Variants in NDST4 observed in about 807,000 individuals in gnomAD.
NDST4 encodes the protein N-heparan sulfate sulfotransferase 4.
Under a neutral mutation model 100.8 loss-of-function variants are expected in NDST4, and 63 were observed. The observed-to-expected ratio is 0.62, with a 90% CI of 0.51 to 0.77. The LOEUF is 0.77. Among genes scored for constraint, NDST4 ranks in the 30% least tolerant of loss-of-function variants. NDST4 has a pLI of 0.00. For missense variants in NDST4, 943 were observed against 1,018.4 expected (o/e 0.93, Z 1.01); for synonymous variants, 377 against 361.8 (o/e 1.04, Z -0.48).
At chr4:114,988,335 C>T (rs1000238465) in intron 2 of NDST4, among the ~76,000 whole-genome samples, 23 of 141,088 alleles carry the variant, frequency 1.6e-4, no homozygotes, top group Non-Finnish European at 2.4e-4. Flanking sequence ...ATTTTGTAAG[C>T]ACACAGATAC....
chr4:115,020,830 A>G (rs1462114480), intron 2 of NDST4, among the ~76,000 whole-genome samples: 1 of 152,134 alleles, frequency 6.6e-6, no homozygotes, highest in African/African-American at 2.4e-5. Flanking sequence ...TCCACTAATG[A>G]TCAGGGAAAT....
chr4:114,836,013 G>A (rs894923626), intron 11 of NDST4, among the ~76,000 whole-genome samples: 4 of 151,982 alleles, frequency 2.6e-5, no homozygotes, highest in Non-Finnish European at 4.4e-5. Flanking sequence ...GTCTTCGCAC[G>A]TGAGATGGGT....
At chr4:114,976,916 A>C (rs958369086) in intron 3 of NDST4, among the ~76,000 whole-genome samples, 2 of 152,022 alleles carry the variant, frequency 1.3e-5, no homozygotes, top group African/African-American at 2.4e-5. Flanking sequence ...CTGAGAAACA[A>C]GATGCACAGT....
chr4:114,915,129 T>C (rs1230344484), intron 6 of NDST4, among the ~76,000 whole-genome samples: 1 of 152,126 alleles, frequency 6.6e-6, no homozygotes, highest in African/African-American at 2.4e-5. Flanking sequence ...GATAAGAAGA[T>C]TCCTGAATTC....
chr4:114,833,383 A>T (rs1723242726), intron 12 of NDST4, among the ~76,000 whole-genome samples: 1 of 152,100 alleles, frequency 6.6e-6, no homozygotes, highest in Admixed American at 6.5e-5. Flanking sequence ...ACTCACAAAA[A>T]GAAGAATTTG....
At chr4:115,064,948 C>A (rs1445861589) in intron 2 of NDST4, among the ~76,000 whole-genome samples, 3 of 152,018 alleles carry the variant, frequency 2.0e-5, no homozygotes, top group Middle Eastern at 3.2e-3. Flanking sequence ...AATCATTAGA[C>A]CTTAACCCAT....
At chr4:115,010,427 A>G (rs1727517378) in intron 2 of NDST4, among the ~76,000 whole-genome samples, 1 of 128,590 alleles carries the variant, frequency 7.8e-6, no homozygotes, top group Non-Finnish European at 1.7e-5. Context: ...TCAGTAAGCT[A>G]TCGCAAGAAC....
chr4:115,023,585 A>T (rs1187008916), intron 2 of NDST4, among the ~76,000 whole-genome samples: 1 of 152,070 alleles, frequency 6.6e-6, no homozygotes, highest in African/African-American at 2.4e-5. Context: ...ATACAGTAAG[A>T]TGCAAGAGAG....
At position 114,929,096 on chromosome 4, in the gene NDST4, CCA is replaced by C. The variant is rs1560817016; in HGVS notation, c.1536+6108_1536+6109del. ...TCCGTCCATCCATCCATCCATCCAT[CCA>C]TCCATCCATCCATCCATCTATCTAT... On this transcript the variant is annotated intron_variant, in intron 6 of 13. Transcript: ENST00000264363. 3.6e-3 allele frequency among the ~76,000 whole-genome samples: 472 copies of C among 130,074 alleles called. 3 individuals are homozygous for C. The highest frequency in any genetic ancestry group is 0.013 in the African/African-American group (461 of 36,234). 85.3% of individuals were successfully genotyped at this position (130,074 alleles called of 152,430 possible).
At chr4:114,976,470 GA>G (rs138693200) in intron 3 of NDST4, among the ~76,000 whole-genome samples, 48,160 of 151,824 alleles carry the variant, frequency 0.32, 7,702 homozygotes, top group South Asian at 0.47. Flanking sequence ...CTAATATTCA[GA>G]AAATAAAAAG....
At chr4:114,832,885 G>C (rs985067761) in intron 12 of NDST4, among the ~76,000 whole-genome samples, 9 of 152,140 alleles carry the variant, frequency 5.9e-5, no homozygotes, top group African/African-American at 2.2e-4. Context: ...ACTGATCTCA[G>C]CCTTTGAGCC....
chr4:114,920,836 T>C (rs545320378), intron 6 of NDST4, among the ~76,000 whole-genome samples: 2 of 152,300 alleles, frequency 1.3e-5, no homozygotes, highest in South Asian at 4.1e-4. Context: ...GAGTATCCTA[T>C]CCACTAGTGA....
intron 4 of NDST4, among the ~76,000 whole-genome samples, chr4:114,969,178 G>C (rs1212981714): frequency 1.3e-5 from 2 of 151,304 alleles, no homozygotes; most frequent in Non-Finnish European, 3.0e-5. Context: ...GCCGGGCGTA[G>C]TGGCGGGCGC....
intron 7 of NDST4, among the ~76,000 whole-genome samples, chr4:114,865,051 T>C (rs1475256474): frequency 1.3e-5 from 2 of 151,380 alleles, no homozygotes; most frequent in Non-Finnish European, 2.9e-5. Context: ...ATTTACTTTG[T>C]AGCGCTATCA....
intron 2 of NDST4, among the ~76,000 whole-genome samples, chr4:115,070,290 T>C (rs116424090): frequency 0.011 from 1,707 of 152,284 alleles, 16 homozygotes; most frequent in Middle Eastern, 0.065. Flanking sequence ...GAGGCCATTA[T>C]CCTTAGCAAA....
chr4:114,933,532 A>ACAG (rs1329107083), intron 6 of NDST4, among the ~76,000 whole-genome samples: 1 of 145,910 alleles, frequency 6.9e-6, no homozygotes, highest in Non-Finnish European at 1.5e-5. Context: ...AAGCTTTTGC[A>ACAG]CAGCAACGGA....
intron 1 of NDST4, among the ~76,000 whole-genome samples, chr4:115,100,709 G>A (rs1729712999): frequency 1.3e-5 from 2 of 151,790 alleles, no homozygotes; most frequent in Non-Finnish European, 2.9e-5. Context: ...TAAAATACCT[G>A]TTTCTCTACT....
At chr4:115,023,558 A>G (rs1390523759) in intron 2 of NDST4, among the ~76,000 whole-genome samples, 1 of 152,088 alleles carries the variant, frequency 6.6e-6, no homozygotes, top group African/African-American at 2.4e-5. Flanking sequence ...ATGGAAATAA[A>G]AAAATTAATA....
At chr4:114,965,684 T>C (rs1217370434) in intron 4 of NDST4, among the ~76,000 whole-genome samples, 1 of 152,052 alleles carries the variant, frequency 6.6e-6, no homozygotes, top group Non-Finnish European at 1.5e-5. Context: ...CTGCAACTAT[T>C]AGTGAACTGA....
Sources: gnomAD v4.1 joint callset for allele counts (sites outside exome capture counted in the v4.1 genomes callset) on GRCh38, gnomAD v4.1.1 for gene constraint, MANE v1.5 for transcripts, NCBI Gene and HGNC (gene_info 2026-07-23, HGNC 2026-07-21) for gene names.